Variants in BORA observed in about 807,000 individuals in gnomAD.
The protein encoded by BORA is protein aurora borealis.
BORA carries 26 observed loss-of-function variants against 55.8 expected under a neutral mutation model. That is an observed-to-expected ratio of 0.47 (90% CI 0.34 to 0.65). The LOEUF (loss-of-function observed/expected upper bound fraction) is 0.65. Ranked by LOEUF, BORA falls within the 30% of genes least tolerant of loss-of-function variation. The pLI, the probability that BORA is intolerant of heterozygous loss-of-function variation, is 0.01. For missense variants in BORA, 568 were observed against 671.5 expected, an observed-to-expected ratio of 0.85 and a Z score of 1.70; for synonymous variants, 201 against 216.9, an observed-to-expected ratio of 0.93 and a Z score of 0.64.
chr13:72,738,065 T>C (rs2032965713), intron 5 of BORA, 22 bp downstream of exon 5: 3 of 1,541,294 alleles, frequency 1.9e-6, no homozygotes, highest in Admixed American at 1.7e-5. Flanking sequence ...AAAAATGATA[T>C]GAATAAAAAT....
intron 10 of BORA, among the ~76,000 whole-genome samples, chr13:72,749,506 A>G (rs952236402): frequency 1.1e-3 from 13 of 11,520 alleles, no homozygotes; most frequent in Non-Finnish European, 3.4e-3. Context: ...ATTTCTAAAA[A>G]TCTTTTTTTT....
intron 3 of BORA, among the ~76,000 whole-genome samples, chr13:72,732,954 A>G (rs2032850055): frequency 6.6e-6 from 1 of 152,226 alleles, no homozygotes; most frequent in African/African-American, 2.4e-5. Context: ...TAATTAGACC[A>G]AAGTTGTAAC....
intron 8 of BORA, 67 bp downstream of exon 8, chr13:72,745,274 T>C: frequency 7.3e-7 from 1 of 1,378,242 alleles, no homozygotes; most frequent in Non-Finnish European, 1.0e-6. Flanking sequence ...TTTGTTGTTG[T>C]TCTATCTTAG....
intron 5 of BORA, among the ~76,000 whole-genome samples, chr13:72,742,369 T>C (rs2033048598): frequency 6.7e-6 from 1 of 148,992 alleles, no homozygotes; most frequent in Non-Finnish European, 1.5e-5. Context: ...TTTTTCAATT[T>C]ATAAAACTTT....
At chr13:72,749,923 A>G (rs2033230588) in intron 10 of BORA, among the ~76,000 whole-genome samples, 1 of 152,184 alleles carries the variant, frequency 6.6e-6, no homozygotes, top group African/African-American at 2.4e-5. Context: ...CATTCTTTCC[A>G]ATCAGACCAC....
intron 8 of BORA, 91 bp downstream of exon 8, chr13:72,745,298 T>G: frequency 9.2e-7 from 1 of 1,090,794 alleles, no homozygotes; most frequent in Non-Finnish European, 1.3e-6. Context: ...TTCAGCAGCC[T>G]GAAGCCATGG....
chr13:72,729,162 A>G (rs545487304), intron 2 of BORA, 69 bp downstream of exon 2: 1 of 1,276,884 alleles, frequency 7.8e-7, no homozygotes, highest in South Asian at 1.6e-5. Context: ...TTTTAAATGT[A>G]AACATCTGTC....
Position 72,755,159 on chromosome 13 carries a change from C to T in BORA, c.1623C>T (p.His541=), listed in dbSNP as rs1322296997. Reference sequence around the variant, plus strand: ...TGTCTTCTTTTTCACAGCAAGACCACACAACACAGAGGTGTTGGATGAAAA... The same window carrying T: ...TGTCTTCTTTTTCACAGCAAGACCATACAACACAGAGGTGTTGGATGAAAA... The part of the protein sequence containing the change: ...KSQAFNMKQD[H]TTQRCWMKTA... The change falls in exon 12 of 12, where the codon CAC becomes CAT. Residue 541 remains histidine (H), a synonymous_variant. Transcript: ENST00000390667. 1.9e-6 allele frequency: 3 copies of T among 1,613,682 alleles called. No homozygotes were observed. The highest frequency in any genetic ancestry group is 1.7e-6 in the Non-Finnish European group (2 of 1,179,780).
chr13:72,736,693 TA>T (rs2032935127), intron 4 of BORA, among the ~76,000 whole-genome samples: 1 of 152,170 alleles, frequency 6.6e-6, no homozygotes, highest in Admixed American at 6.5e-5. Flanking sequence ...ATGGACCTAG[TA>T]AGTCAGAGGC....
Position 72,747,459 on chromosome 13 carries a change from T to TCC in BORA, c.1482+348_1482+349insCC, listed in dbSNP as rs1275090602. On this transcript the variant is annotated intron_variant, in intron 10 of 11. Transcript: ENST00000390667. ...CCCCCAAAACATGCAAGGTCTGGTA[T>TCC]AGTATTTGCATTCTAAAAATAAAAT... Among the ~76,000 whole-genome samples the TCC allele has an allele frequency of 2.6e-5, 4 of 152,250 alleles. No individual in the cohort carries two copies. The East Asian group carries it at 7.7e-4, about 29-fold the overall frequency.
At chr13:72,742,776 ACACACACACAC>A (rs1566224361) in intron 5 of BORA, among the ~76,000 whole-genome samples, 1 of 2,436 alleles carries the variant, frequency 4.1e-4, no homozygotes, top group East Asian at 2.8e-3. Context: ...ATACACACAC[ACACACACACAC>A]ACACACACAC....
intron 10 of BORA, among the ~76,000 whole-genome samples, chr13:72,749,149 G>A (rs951953604): frequency 7.9e-5 from 12 of 152,260 alleles, no homozygotes; most frequent in African/African-American, 2.6e-4. Flanking sequence ...TCATGTGTCC[G>A]TCTCTCACAT....
chr13:72,747,615 C>A (rs2033176888), intron 10 of BORA, among the ~76,000 whole-genome samples: 4 of 151,928 alleles, frequency 2.6e-5, no homozygotes, highest in African/African-American at 7.3e-5. Flanking sequence ...CTCAGTGCAA[C>A]CTCCACCTTC....
chr13:72,728,125 A>C, intron 1 of BORA, 118 bp downstream of exon 1: 1 of 1,368,596 alleles, frequency 7.3e-7, no homozygotes. Flanking sequence ...GTCAGGGAGT[A>C]GGTGTGGAAG....
At position 72,744,524 on chromosome 13, in the gene BORA, G is replaced by A; in HGVS notation, c.474G>A (p.Leu158=). Residue 158 remains leucine, a synonymous_variant, in exon 7 of 12, where the codon CTG becomes CTA. Transcript: ENST00000390667. ...TTCCAGCTGCTTGTCAGACATTGCT[G>A]TCTCTTCCTGTGGATTTTAATTTAG... is the stretch of plus-strand genomic sequence containing the variant. The part of the protein sequence containing the change: ...EKSDAACQTL[L]SLPVDFNLEN... 1 of 1,610,646 alleles carries A rather than the reference G, an allele frequency of 6.2e-7. No homozygotes were observed. Among genetic ancestry groups the A allele is most frequent in the Non-Finnish European group, 8.5e-7 (1 of 1,177,986 alleles).
At chr13:72,736,912 A>G (rs1423836566) in intron 4 of BORA, among the ~76,000 whole-genome samples, 5 of 150,776 alleles carry the variant, frequency 3.3e-5, no homozygotes, top group Admixed American at 6.6e-5. Context: ...GAACTTATAC[A>G]TCACTTTGTA....
Position 72,746,644 on chromosome 13 carries a change from AGTG to A in BORA, c.1021_1023del (p.Gly341del). ...GTCTCCTATGAGACTTCAGATGTAT[AGTG>A]GTGGTACTCAGTATCGGACCTCAGT... On this transcript the variant is annotated inframe_deletion, in exon 10 of 12. Coordinates refer to ENST00000390667, the MANE Select transcript of BORA (RefSeq NM_024808.5). 6.2e-7 allele frequency: 1 copy of A among 1,614,134 alleles called. No individual in the cohort carries two copies. The highest frequency in any genetic ancestry group is 1.3e-5 in the African/African-American group (1 of 75,040).
In BORA at chr13:72,755,803, A is replaced by T; in HGVS notation, c.*587A>T. ...TACTACTTTTAAGTATGTAAATACTAGAAAGGTAGTACTAGTGACATCATC... is the reference window on the plus strand; with the variant it reads ...TACTACTTTTAAGTATGTAAATACTTGAAAGGTAGTACTAGTGACATCATC... On this transcript the variant is annotated 3_prime_UTR_variant, in exon 12 of 12. Transcript: ENST00000390667. The T allele has an allele frequency of 2.5e-6, 1 of 398,548 alleles. No homozygotes were observed. Among genetic ancestry groups the T allele is most frequent in the Non-Finnish European group, 4.4e-6 (1 of 226,080 alleles). 24.7% of individuals were successfully genotyped at this position (398,548 alleles called of 1,614,324 possible).
intron 7 of BORA, 119 bp from the exon 8 acceptor site, chr13:72,744,862 C>A: frequency 2.3e-6 from 2 of 887,698 alleles, no homozygotes; most frequent in Non-Finnish European, 3.4e-6. Flanking sequence ...TAAACTTTGC[C>A]CTCTTTTTGG....
Sources: gnomAD v4.1 joint callset for allele counts (sites outside exome capture counted in the v4.1 genomes callset) on GRCh38, gnomAD v4.1.1 for gene constraint, MANE v1.5 for transcripts, NCBI Gene and HGNC (gene_info 2026-07-23, HGNC 2026-07-21) for gene names.